MSRA: variants seen among roughly 807,000 people sequenced by gnomAD.
MSRA encodes the protein mitochondrial peptide methionine sulfoxide reductase.
A neutral mutation model predicts 31.3 loss-of-function variants in MSRA; 54 were observed. The ratio of observed to expected loss-of-function variants is 1.73; its 90% CI spans 1.39 to 2.17. The LOEUF is 2.17. Among genes scored for constraint, MSRA ranks in the 30% most tolerant of loss-of-function variants. MSRA has a pLI of 0.00. For synonymous variants in MSRA, 169 were observed against 116.5 expected, an observed-to-expected ratio of 1.45 and a Z score of -2.90; for missense variants, 507 against 300.9, an observed-to-expected ratio of 1.69 and a Z score of -5.07.
rs76001679 is a variant in MSRA, at chr8:10,134,922, G to A, written c.143-72911G>A. On this transcript the variant is annotated intron_variant, in intron 1 of 5. Coordinates refer to ENST00000317173, the MANE Select transcript of MSRA (RefSeq NM_012331.5). The stretch of plus-strand genomic sequence containing the variant: ...GCTCTTGCCCCGGAGTGTTTGTTGT[G>A]TAGCCTAGGTGGGCTGTAAAAGCTA... Among the ~76,000 whole-genome samples, 172 of 152,352 alleles carry A rather than the reference G, an allele frequency of 1.1e-3. 3 individuals are homozygous for A. Among genetic ancestry groups the A allele is most frequent in the African/African-American group, 3.8e-3 (156 of 41,596 alleles).
At chr8:10,353,274 T>A (rs1022077127) in intron 5 of MSRA, among the ~76,000 whole-genome samples, 3 of 152,232 alleles carry the variant, frequency 2.0e-5, no homozygotes, top group Admixed American at 2.0e-4. Flanking sequence ...CTTGCAGTCT[T>A]GCCAATAAAA....
At chr8:10,184,736 G>A (rs911331811) in intron 1 of MSRA, among the ~76,000 whole-genome samples, 2 of 152,108 alleles carry the variant, frequency 1.3e-5, no homozygotes, top group Non-Finnish European at 2.9e-5. Flanking sequence ...AAATTTGGTG[G>A]ATGAAGAGAT....
At chr8:10,075,209 A>C (rs1797942743) in intron 1 of MSRA, among the ~76,000 whole-genome samples, 1 of 152,214 alleles carries the variant, frequency 6.6e-6, no homozygotes, top group Non-Finnish European at 1.5e-5. Flanking sequence ...GATCCCTCCC[A>C]CACCTAGGCA....
intron 1 of MSRA, among the ~76,000 whole-genome samples, chr8:10,114,311 C>G (rs544142549): frequency 6.6e-6 from 1 of 152,046 alleles, no homozygotes; most frequent in Admixed American, 6.6e-5. Flanking sequence ...CGGACAAGTT[C>G]TTGTGTGAAT....
At chr8:10,334,188 ATGTGTG>A (rs61031081) in intron 5 of MSRA, among the ~76,000 whole-genome samples, 177 of 137,004 alleles carry the variant, frequency 1.3e-3, no homozygotes, top group Middle Eastern at 3.8e-3. Context: ...GTGTGTATTT[ATGTGTG>A]TGTGTGTGTG....
intron 1 of MSRA, among the ~76,000 whole-genome samples, chr8:10,120,307 G>A (rs1001535561): frequency 2.0e-5 from 3 of 152,138 alleles, no homozygotes; most frequent in African/African-American, 7.2e-5. Context: ...TACCAAATAG[G>A]AAGGATATGG....
intron 1 of MSRA, among the ~76,000 whole-genome samples, chr8:10,153,469 A>T (rs1241984660): frequency 6.6e-6 from 1 of 151,976 alleles, no homozygotes; most frequent in East Asian, 1.9e-4. Flanking sequence ...TTATCCTCGG[A>T]GGAGAATGCT....
At chr8:10,407,748 A>G (rs776868442) in intron 5 of MSRA, among the ~76,000 whole-genome samples, 5 of 152,130 alleles carry the variant, frequency 3.3e-5, no homozygotes, top group Admixed American at 6.5e-5. Flanking sequence ...CAGAGCAGGA[A>G]TTGTCATTGG....
intron 3 of MSRA, among the ~76,000 whole-genome samples, chr8:10,262,622 G>T (rs1357619210): frequency 6.6e-6 from 1 of 152,114 alleles, no homozygotes; most frequent in Non-Finnish European, 1.5e-5. Flanking sequence ...TCAGATATGT[G>T]ACTTGAGAAT....
chr8:10,304,784 T>C (rs1164248693), intron 4 of MSRA, among the ~76,000 whole-genome samples: 4 of 152,200 alleles, frequency 2.6e-5, no homozygotes, highest in South Asian at 2.1e-4. Context: ...GGTGAAGATA[T>C]GTAAGACTGA....
At chr8:10,290,882 C>T (rs1292905317) in intron 3 of MSRA, among the ~76,000 whole-genome samples, 1 of 152,170 alleles carries the variant, frequency 6.6e-6, no homozygotes, top group African/African-American at 2.4e-5. Flanking sequence ...TGGTTTTGCC[C>T]ATATCTTATC....
intron 1 of MSRA, among the ~76,000 whole-genome samples, chr8:10,116,079 G>A (rs1380878279): frequency 6.6e-6 from 1 of 152,082 alleles, no homozygotes; most frequent in Admixed American, 6.5e-5. Flanking sequence ...TTGGCGGTCT[G>A]CCCTCATGGT....
intron 2 of MSRA, among the ~76,000 whole-genome samples, chr8:10,230,941 C>T (rs776128867): frequency 3.3e-5 from 5 of 152,246 alleles, no homozygotes; most frequent in African/African-American, 9.6e-5. Flanking sequence ...TGTGCCACCA[C>T]GCCTGGCTAA....
intron 2 of MSRA, 98 bp from the exon 3 acceptor site, chr8:10,245,005 CT>C (rs879214976): frequency 0.013 from 11,224 of 879,506 alleles, no homozygotes; most frequent in South Asian, 0.017. Flanking sequence ...ACAGGAGCAA[CT>C]TTTTTTTTTT....
chr8:10,088,402 A>G (rs927412847), intron 1 of MSRA, among the ~76,000 whole-genome samples: 4 of 152,226 alleles, frequency 2.6e-5, no homozygotes, highest in African/African-American at 9.6e-5. Context: ...CTGCAGCATT[A>G]TTGACAATAG....
intron 1 of MSRA, among the ~76,000 whole-genome samples, chr8:10,076,475 A>G (rs189651657): frequency 1.5e-3 from 236 of 152,354 alleles, no homozygotes; most frequent in Middle Eastern, 3.4e-3. Flanking sequence ...ATTATTACTT[A>G]AACCCATAGT....
intron 4 of MSRA, among the ~76,000 whole-genome samples, chr8:10,309,758 T>G (rs1249093203): frequency 1.3e-5 from 2 of 152,292 alleles, no homozygotes; most frequent in Admixed American, 6.5e-5. Context: ...AGGACTCTTC[T>G]CTACTTGGTG....
At chr8:10,110,767 A>G (rs1348415698) in intron 1 of MSRA, among the ~76,000 whole-genome samples, 2 of 152,162 alleles carry the variant, frequency 1.3e-5, no homozygotes, top group African/African-American at 2.4e-5. Context: ...CGATCTTTCT[A>G]TCCATTACTT....
At chr8:10,267,541 G>A (rs1476193173) in intron 3 of MSRA, among the ~76,000 whole-genome samples, 1 of 152,100 alleles carries the variant, frequency 6.6e-6, no homozygotes, top group African/African-American at 2.4e-5. Flanking sequence ...CTAGGGCTGG[G>A]GCAAGTGGAT....
Sources: allele counts gnomAD v4.1 joint callset (sites outside exome capture counted in the v4.1 genomes callset), GRCh38; gene constraint gnomAD v4.1.1; transcripts MANE v1.5; gene names NCBI Gene and HGNC (gene_info 2026-07-23, HGNC 2026-07-21).